FHIT: variants seen among roughly 807,000 people sequenced by gnomAD.
FHIT encodes the protein fragile histidine triad diadenosine triphosphatase.
In FHIT, 19 loss-of-function variants were observed where a neutral mutation model predicts 17.9. The ratio of observed to expected loss-of-function variants is 1.06; its 90% CI spans 0.74 to 1.56. FHIT has a LOEUF of 1.56. Among genes scored for constraint, FHIT ranks in the 40% most tolerant of loss-of-function variants. FHIT has a pLI of 0.00. For missense variants in FHIT, 248 were observed against 189.2 expected, an observed-to-expected ratio of 1.31 and a Z score of -1.82; for synonymous variants, 81 against 69.7, an observed-to-expected ratio of 1.16 and a Z score of -0.81.
chr3:60,014,499 T>C (rs1405206995), intron 5 of FHIT, among the ~76,000 whole-genome samples: 2 of 152,210 alleles, frequency 1.3e-5, no homozygotes, highest in African/African-American at 2.4e-5. Flanking sequence ...TAAAGCTGTG[T>C]CCGCTTCAGC....
chr3:60,761,672 T>C (rs1412741925), intron 4 of FHIT, among the ~76,000 whole-genome samples: 4 of 151,376 alleles, frequency 2.6e-5, no homozygotes, highest in Non-Finnish European at 5.9e-5. Context: ...ATGCTACAGA[T>C]GTCTCTCTTT....
intron 7 of FHIT, among the ~76,000 whole-genome samples, chr3:59,972,178 T>C (rs1346012625): frequency 6.6e-6 from 1 of 152,120 alleles, no homozygotes; most frequent in Non-Finnish European, 1.5e-5. Flanking sequence ...AGAGACAGAA[T>C]GTGCCCTGTT....
intron 1 of FHIT, among the ~76,000 whole-genome samples, chr3:61,231,943 A>C (rs1178943544): frequency 2.6e-5 from 4 of 152,212 alleles, no homozygotes; most frequent in African/African-American, 9.6e-5. Context: ...AATAATGAAA[A>C]TATGTGCTTG....
chr3:60,822,639 C>T (rs1052594765), intron 3 of FHIT, among the ~76,000 whole-genome samples: 14 of 152,228 alleles, frequency 9.2e-5, no homozygotes, highest in African/African-American at 2.9e-4. Flanking sequence ...CTATCTCTAT[C>T]AAACGGGTAT....
chr3:59,869,625 G>A (rs562249270), intron 8 of FHIT, among the ~76,000 whole-genome samples: 1 of 149,674 alleles, frequency 6.7e-6, no homozygotes, highest in South Asian at 2.1e-4. Context: ...GGGACTACAG[G>A]TGCCCGCCAC....
chr3:60,640,965 A>G (rs2039710175), intron 4 of FHIT, among the ~76,000 whole-genome samples: 1 of 152,208 alleles, frequency 6.6e-6, no homozygotes, highest in African/African-American at 2.4e-5. Context: ...GGATCACCTG[A>G]GGTCAGGAGT....
intron 4 of FHIT, among the ~76,000 whole-genome samples, chr3:60,606,005 G>C (rs910450554): frequency 2.0e-5 from 3 of 152,054 alleles, no homozygotes; most frequent in Non-Finnish European, 4.4e-5. Context: ...TAGAAACCAG[G>C]GGATGTTATC....
intron 4 of FHIT, among the ~76,000 whole-genome samples, chr3:60,580,543 A>G (rs1553659405): frequency 6.6e-6 from 1 of 152,032 alleles, no homozygotes; most frequent in East Asian, 1.9e-4. Flanking sequence ...GTTAATATTA[A>G]TTTCCTTTTT....
chr3:60,765,711 G>A (rs1242292568), intron 4 of FHIT: 1 of 152,264 alleles, frequency 6.6e-6, no homozygotes, highest in Non-Finnish European at 1.5e-5. Context: ...GTCTGTGAGG[G>A]TGTTGCCAGA....
intron 4 of FHIT, among the ~76,000 whole-genome samples, chr3:60,672,848 G>T (rs2040537809): frequency 7.9e-6 from 1 of 126,442 alleles, no homozygotes. Context: ...ACCACTATTA[G>T]GGTTTTTAAT....
Position 60,382,187 on chromosome 3 carries a change from G to A in FHIT, c.103+154673C>T, listed in dbSNP as rs947330006. Among the ~76,000 whole-genome samples the A allele has an allele frequency of 2.0e-5, 3 of 152,098 alleles. No homozygotes were observed. The East Asian group carries it at 5.8e-4, about 29-fold the overall frequency. ...CCTACTTAATTTTAATTGGCATCCT[G>A]GAGTAGAAAAAAAGTACAGTGTTTG... On this transcript the variant is annotated intron_variant, in intron 5 of 9. Transcript: ENST00000492590.
intron 7 of FHIT, among the ~76,000 whole-genome samples, chr3:59,981,266 G>T (rs895833126): frequency 6.6e-6 from 1 of 151,964 alleles, no homozygotes; most frequent in Admixed American, 6.6e-5. Flanking sequence ...TAACTCAAAG[G>T]ATTAAAATTT....
chr3:60,024,700 T>C (rs1277106890), intron 5 of FHIT, among the ~76,000 whole-genome samples: 2 of 152,134 alleles, frequency 1.3e-5, no homozygotes, highest in East Asian at 3.9e-4. Flanking sequence ...GGTGCAAGAA[T>C]GCAAGGGCAA....
intron 3 of FHIT, among the ~76,000 whole-genome samples, chr3:60,980,634 C>T (rs557865679): frequency 6.6e-6 from 1 of 152,160 alleles, no homozygotes; most frequent in Non-Finnish European, 1.5e-5. Context: ...TTGGGTCCAT[C>T]TCAGGAAAAG....
At chr3:60,590,950 A>G (rs555559359) in intron 4 of FHIT, among the ~76,000 whole-genome samples, 1 of 152,162 alleles carries the variant, frequency 6.6e-6, no homozygotes, top group South Asian at 2.1e-4. Context: ...GGATTCATCC[A>G]GGGGGGAAAA....
intron 8 of FHIT, among the ~76,000 whole-genome samples, chr3:59,816,975 G>T (rs1018979500): frequency 2.0e-5 from 3 of 152,106 alleles, no homozygotes; most frequent in Non-Finnish European, 4.4e-5. Context: ...GTATAAACTC[G>T]TGGGACCTAA....
intron 3 of FHIT, among the ~76,000 whole-genome samples, chr3:60,836,681 A>T (rs1424135142): frequency 6.6e-6 from 1 of 152,156 alleles, no homozygotes; most frequent in African/African-American, 2.4e-5. Flanking sequence ...TACAGAGTCC[A>T]GTTAACAAGA....
chr3:59,866,283 TACAG>T (rs1702645514), intron 8 of FHIT, among the ~76,000 whole-genome samples: 1 of 142,074 alleles, frequency 7.0e-6, no homozygotes, highest in African/African-American at 2.8e-5. Context: ...AAGTGGCCAG[TACAG>T]ACAGCCTAAG....
At chr3:61,018,347 A>T (rs185479092) in intron 3 of FHIT, among the ~76,000 whole-genome samples, 2 of 152,344 alleles carry the variant, frequency 1.3e-5, no homozygotes, top group African/African-American at 4.8e-5. Flanking sequence ...GAATTCTAGA[A>T]CCTTCACTTC....
Sources: gnomAD v4.1 joint callset for allele counts (sites outside exome capture counted in the v4.1 genomes callset) on GRCh38, gnomAD v4.1.1 for gene constraint, MANE v1.5 for transcripts, NCBI Gene and HGNC (gene_info 2026-07-23, HGNC 2026-07-21) for gene names.